COLEC10: variants seen among roughly 807,000 people sequenced by gnomAD.
The protein encoded by COLEC10 is collectin-10.
A neutral mutation model predicts 28.4 loss-of-function variants in COLEC10; 22 were observed. The ratio of observed to expected loss-of-function variants is 0.78; its 90% CI spans 0.55 to 1.11. The LOEUF (loss-of-function observed/expected upper bound fraction) is 1.11. Ranked by LOEUF, COLEC10 falls within the 50% of genes least tolerant of loss-of-function variation. COLEC10 has a pLI of 0.00. For missense variants in COLEC10, 361 were observed against 344.1 expected (o/e 1.05, Z -0.39); for synonymous variants, 125 against 116.1 (o/e 1.08, Z -0.49).
chr8:119,014,292 G>C (rs573961607), intron 2 of COLEC10, among the ~76,000 whole-genome samples: 1 of 149,592 alleles, frequency 6.7e-6, no homozygotes, highest in South Asian at 2.1e-4. Flanking sequence ...TTGTTCGTTT[G>C]AGAAAGTCTT....
At chr8:119,049,281 G>C (rs1814634694) in intron 2 of COLEC10, among the ~76,000 whole-genome samples, 1 of 151,654 alleles carries the variant, frequency 6.6e-6, no homozygotes, top group Admixed American at 6.6e-5. Context: ...TTTTAACAGA[G>C]AGAAATTCTC....
At chr8:119,072,882 T>C (rs1815153105) in intron 1 of COLEC10, among the ~76,000 whole-genome samples, 1 of 152,132 alleles carries the variant, frequency 6.6e-6, no homozygotes, top group African/African-American at 2.4e-5. Flanking sequence ...GAAAAATAGA[T>C]TTCTATTTGG....
At chr8:119,017,578 C>T (rs1164701238) in intron 2 of COLEC10, among the ~76,000 whole-genome samples, 1 of 152,172 alleles carries the variant, frequency 6.6e-6, no homozygotes, top group Non-Finnish European at 1.5e-5. Flanking sequence ...ACACAGCATA[C>T]TGACTAACCT....
chr8:118,985,505 T>TAA, the COLEC10 span, among the ~76,000 whole-genome samples: 1 of 151,012 alleles, frequency 6.6e-6, no homozygotes. Flanking sequence ...TGTGTTATTT[T>TAA]AAAAAAAAAG....
intron 1 of COLEC10, among the ~76,000 whole-genome samples, chr8:119,005,283 C>A (rs945725006): frequency 2.6e-5 from 4 of 152,102 alleles, no homozygotes; most frequent in Admixed American, 6.6e-5. Flanking sequence ...CCATTGAGAG[C>A]AGGAATAAAC....
chr8:119,095,326 T>C (rs1383332002), intron 3 of COLEC10, among the ~76,000 whole-genome samples: 1 of 152,216 alleles, frequency 6.6e-6, no homozygotes, highest in Non-Finnish European at 1.5e-5. Context: ...TAAAACTATG[T>C]TACTGGGTTG....
chr8:119,008,677 AAC>A (rs1397490968), intron 1 of COLEC10, among the ~76,000 whole-genome samples: 1 of 150,490 alleles, frequency 6.6e-6, no homozygotes, highest in East Asian at 1.9e-4. Context: ...TGTGATGACT[AAC>A]ACTCTGACAT....
chr8:119,041,058 C>G (rs1395724942), intron 2 of COLEC10, among the ~76,000 whole-genome samples: 1 of 152,158 alleles, frequency 6.6e-6, no homozygotes, highest in Non-Finnish European at 1.5e-5. Context: ...CTGGACATAA[C>G]TTGGGTGAAA....
At chr8:119,026,334 G>T (rs1487697888) in intron 2 of COLEC10, among the ~76,000 whole-genome samples, 1 of 152,052 alleles carries the variant, frequency 6.6e-6, no homozygotes, top group Non-Finnish European at 1.5e-5. Flanking sequence ...CCAGAGGATT[G>T]CTTGAGGCCG....
intron 5 of COLEC10, among the ~76,000 whole-genome samples, chr8:119,104,845 A>G (rs969468105): frequency 6.6e-6 from 1 of 152,228 alleles, no homozygotes; most frequent in African/African-American, 2.4e-5. Context: ...GGGAGAACAT[A>G]GAGCAATAGT....
chr8:118,960,033 G>A, the COLEC10 span, among the ~76,000 whole-genome samples: 1 of 152,184 alleles, frequency 6.6e-6, no homozygotes, highest in Non-Finnish European at 1.5e-5. Context: ...CTTCTTGAAA[G>A]AGAAGGTGTT....
the COLEC10 span, among the ~76,000 whole-genome samples, chr8:118,962,821 A>C: frequency 6.6e-6 from 1 of 152,140 alleles, no homozygotes; most frequent in African/African-American, 2.4e-5. Context: ...TGCTTTTATG[A>C]TTTTGACTAT....
At chr8:119,066,702 C>T (rs1814971073), upstream of COLEC10, among the ~76,000 whole-genome samples, 1 of 152,126 alleles carries the variant, frequency 6.6e-6, no homozygotes, top group Non-Finnish European at 1.5e-5. Context: ...TACTTATCAC[C>T]AAGTTGCTTC....
intron 2 of COLEC10, among the ~76,000 whole-genome samples, chr8:119,033,645 T>A (rs1001114637): frequency 6.6e-6 from 1 of 152,168 alleles, no homozygotes; most frequent in African/African-American, 2.4e-5. Context: ...AAAAACCTCA[T>A]CATCACTGGT....
At position 119,107,921 on chromosome 8, in the gene COLEC10, A is replaced by C. The variant is rs1435304245; in HGVS notation, c.*1730A>C. On this transcript the variant is annotated 3_prime_UTR_variant, in exon 6 of 6. Transcript: ENST00000332843. The stretch of plus-strand genomic sequence containing the variant: ...AGTGGGTTAAAAATTAATTAAAATT[A>C]AAGATTTGAGGTCAAAAGTCTTCTA... 6.6e-6 allele frequency among the ~76,000 whole-genome samples: 1 copy of C among 152,186 alleles called. No individual in the cohort carries two copies. The highest frequency in any genetic ancestry group is 1.5e-5 in the Non-Finnish European group (1 of 68,028).
intron 3 of COLEC10, among the ~76,000 whole-genome samples, chr8:119,097,141 T>C (rs1815736828): frequency 6.6e-6 from 1 of 152,102 alleles, no homozygotes; most frequent in Non-Finnish European, 1.5e-5. Context: ...GCTGTAATAA[T>C]CTGTAGATGA....
chr8:119,025,761 G>T (rs1270669077), intron 2 of COLEC10, among the ~76,000 whole-genome samples: 1 of 152,120 alleles, frequency 6.6e-6, no homozygotes, highest in Non-Finnish European at 1.5e-5. Flanking sequence ...CATGCAGCAG[G>T]TATAGCCCCA....
intron 2 of COLEC10, among the ~76,000 whole-genome samples, chr8:119,031,197 G>T (rs1411634059): frequency 6.6e-6 from 1 of 152,250 alleles, no homozygotes; most frequent in Admixed American, 6.5e-5. Flanking sequence ...ATATCATGTG[G>T]CAGTGAATGA....
chr8:119,005,803 G>A (rs6469796), intron 1 of COLEC10, among the ~76,000 whole-genome samples: 100,312 of 151,938 alleles, frequency 0.66, 34,576 homozygotes, highest in African/African-American at 0.86. Context: ...ACATATAAAG[G>A]CTATCACATG....
Sources: allele counts gnomAD v4.1 joint callset (sites outside exome capture counted in the v4.1 genomes callset), GRCh38; gene constraint gnomAD v4.1.1; transcripts MANE v1.5; gene names NCBI Gene and HGNC (gene_info 2026-07-23, HGNC 2026-07-21).